Variants in MICAL2 observed in about 807,000 individuals in gnomAD.
MICAL2 encodes the protein microtubule associated monooxygenase, calponin and LIM domain containing 2.
A neutral mutation model predicts 127.3 loss-of-function variants in MICAL2; 77 were observed. The ratio of observed to expected loss-of-function variants is 0.60; its 90% CI spans 0.50 to 0.73. The LOEUF is 0.73. MICAL2 is among the 30% of genes least tolerant of loss of function. The pLI is 0.00. For missense variants in MICAL2, 1,351 were observed against 1,434.4 expected (o/e 0.94, Z 0.94); for synonymous variants, 570 against 551.1 (o/e 1.03, Z -0.48).
chr11:12,205,133 G>A (rs956694067), intron 4 of MICAL2, among the ~76,000 whole-genome samples: 7 of 152,146 alleles, frequency 4.6e-5, no homozygotes, highest in African/African-American at 1.4e-4. Context: ...AATAGAGAAT[G>A]TGGACTTCAG....
chr11:12,209,160 A>T (rs1855114167), intron 5 of MICAL2, among the ~76,000 whole-genome samples: 1 of 152,190 alleles, frequency 6.6e-6, no homozygotes, highest in South Asian at 2.1e-4. Flanking sequence ...AATGTGGGAG[A>T]ATGTGAAGAG....
chr11:12,198,151 T>TACCCTGGTTAGGTTTTC lies in MICAL2; in HGVS notation c.265-6092_265-6091insTTAGGTTTTCACCCTGG, dbSNP rs1286288604. On this transcript the variant is annotated intron_variant, in intron 3 of 27. Transcript: ENST00000683283. ...AGAACCTCAGGTGATTTTGAGCATG[T>TACCCTGGTTAGGTTTTC]ACCCTGGAATCAGAGGTTAGGTTTT... Among the ~76,000 whole-genome samples the TACCCTGGTTAGGTTTTC allele has an allele frequency of 5.9e-5, 9 of 152,248 alleles. No homozygotes were observed. In the East Asian group the frequency reaches 1.7e-3, roughly 29 times the overall value.
intron 2 of MICAL2, among the ~76,000 whole-genome samples, chr11:12,140,675 G>A (rs1590046950): frequency 6.6e-6 from 1 of 152,146 alleles, no homozygotes; most frequent in East Asian, 1.9e-4. Context: ...TTAATTCCTT[G>A]ACTTTTACTC....
chr11:12,156,092 G>A (rs538318149), intron 2 of MICAL2, among the ~76,000 whole-genome samples: 1 of 152,350 alleles, frequency 6.6e-6, no homozygotes, highest in East Asian at 1.9e-4. Context: ...CAGTGAAGGA[G>A]CGGGCATAGA....
At chr11:12,271,508 C>T (rs1343032999), upstream of MICAL2, among the ~76,000 whole-genome samples, 1 of 152,166 alleles carries the variant, frequency 6.6e-6, no homozygotes, top group Non-Finnish European at 1.5e-5. Flanking sequence ...ACTGGCTGGC[C>T]TGGTGGGTGT....
chr11:12,230,283 G>A (rs889575669), intron 15 of MICAL2, among the ~76,000 whole-genome samples: 7 of 152,186 alleles, frequency 4.6e-5, no homozygotes, highest in African/African-American at 1.7e-4. Flanking sequence ...GTCCTGCACA[G>A]CCACAGGGGA....
intron 3 of MICAL2, among the ~76,000 whole-genome samples, chr11:12,198,579 A>G (rs531772086): frequency 6.6e-6 from 1 of 152,252 alleles, no homozygotes; most frequent in East Asian, 1.9e-4. Context: ...GCTGGTACTG[A>G]GAGCCAGGGA....
At chr11:12,255,483 G>A (rs768513132) in intron 22 of MICAL2, 160 bp from the exon 23 acceptor site, 40 of 620,114 alleles carry the variant, frequency 6.5e-5, no homozygotes, top group African/African-American at 2.2e-4. Flanking sequence ...CAGAATCCCC[G>A]CGTTCTGCTC....
At chr11:12,330,806 A>G (rs1159529709) in intron 32 of MICAL2, among the ~76,000 whole-genome samples, 4 of 63,324 alleles carry the variant, frequency 6.3e-5, no homozygotes, top group African/African-American at 1.3e-4. Flanking sequence ...AGAGAGAGAC[A>G]GAGAGAGAGA....
chr11:12,283,222 T>G (rs2134768559), intron 2 of MICAL2, among the ~76,000 whole-genome samples: 1 of 152,062 alleles, frequency 6.6e-6, no homozygotes, highest in African/African-American at 2.4e-5. Context: ...TTTGTGTGGG[T>G]TTTATGGAGC....
At chr11:12,234,181 G>T (rs1858702457) in intron 15 of MICAL2, among the ~76,000 whole-genome samples, 2 of 152,102 alleles carry the variant, frequency 1.3e-5, no homozygotes, top group South Asian at 4.1e-4. Flanking sequence ...GGCTAATATG[G>T]CTGTCTTCAA....
intron 1 of MICAL2, among the ~76,000 whole-genome samples, chr11:12,132,301 C>A (rs186014166): frequency 2.6e-5 from 4 of 152,168 alleles, no homozygotes; most frequent in Non-Finnish European, 5.9e-5. Context: ...ACATTCCACT[C>A]TCTTTCAGAT....
intron 29 of MICAL2, among the ~76,000 whole-genome samples, chr11:12,305,084 C>T (rs1864093407): frequency 6.6e-6 from 1 of 152,106 alleles, no homozygotes; most frequent in Non-Finnish European, 1.5e-5. Flanking sequence ...CAGTGGATAC[C>T]TGAAACCATG....
At chr11:12,358,177 G>T (rs1312803796) in intron 34 of MICAL2, 10 of 1,012,362 alleles carry the variant, frequency 9.9e-6, no homozygotes, top group Non-Finnish European at 1.4e-5. Context: ...TCATTTCCTT[G>T]TTTTCTCCAT....
At chr11:12,228,314 G>C (rs1037481684) in intron 15 of MICAL2, among the ~76,000 whole-genome samples, 1 of 152,062 alleles carries the variant, frequency 6.6e-6, no homozygotes, top group Admixed American at 6.6e-5. Flanking sequence ...TGGATAAGAA[G>C]AGTGAAATTC....
At chr11:12,235,538 G>GA (rs1325873111) in intron 15 of MICAL2, among the ~76,000 whole-genome samples, 1 of 152,186 alleles carries the variant, frequency 6.6e-6, no homozygotes, top group East Asian at 1.9e-4. Context: ...AGGCTGTATG[G>GA]TCACGCTAGT....
downstream of MICAL2, chr11:12,287,365 C>T (rs1242152009): frequency 2.7e-6 from 1 of 372,138 alleles, no homozygotes; most frequent in Non-Finnish European, 4.8e-6. Context: ...GACTCAAGAT[C>T]TTCCCATCCC....
At chr11:12,245,926 T>C (rs895636329) in intron 21 of MICAL2, among the ~76,000 whole-genome samples, 3 of 152,222 alleles carry the variant, frequency 2.0e-5, no homozygotes, top group Non-Finnish European at 2.9e-5. Flanking sequence ...AGGCAGTGGC[T>C]TGTGCCCATA....
chr11:12,140,428 G>A (rs1396989584), intron 2 of MICAL2, among the ~76,000 whole-genome samples: 2 of 151,446 alleles, frequency 1.3e-5, no homozygotes, highest in African/African-American at 2.4e-5. Context: ...TCCAACCATA[G>A]TAAATCTCTG....
Sources: allele counts gnomAD v4.1 joint callset (sites outside exome capture counted in the v4.1 genomes callset), GRCh38; gene constraint gnomAD v4.1.1; transcripts MANE v1.5; gene names NCBI Gene and HGNC (gene_info 2026-07-23, HGNC 2026-07-21).